NAA15: variants seen among roughly 807,000 people sequenced by gnomAD.
NAA15 encodes the protein N-terminal acetyltransferase.
In NAA15, 34 loss-of-function variants were observed where a neutral mutation model predicts 114.0. The ratio of observed to expected loss-of-function variants is 0.30; its 90% CI spans 0.23 to 0.40. The LOEUF is 0.40. NAA15 is among the 10% of genes least tolerant of loss of function. NAA15 has a pLI of 1.00. For synonymous variants in NAA15, 340 were observed against 338.0 expected (o/e 1.01, Z -0.06); for missense variants, 658 against 1,004.5 (o/e 0.66, Z 4.66).
chr4:139,386,186 T>A lies in NAA15; in HGVS notation c.2356T>A (p.Leu786Met), dbSNP rs569154393. Residue 786 changes from leucine (L) to methionine (M), a missense_variant, in exon 19 of 20, where the codon TTG becomes ATG. Around this residue, in one of 6 missense-constraint regions of NAA15, gnomAD observed 275 missense variants for 371.1 expected, o/e 0.74. Coordinates refer to ENST00000296543, the MANE Select transcript of NAA15 (RefSeq NM_057175.5). Reference protein sequence around the residue: ...DPSSQKRAIELATTLDESLTN... With the variant: ...DPSSQKRAIEMATTLDESLTN... ...TTCTAGTCAGAAGCGAGCTATAGAG[T>A]TGGCAACAACACTTGATGAATCTCT... The A allele has an allele frequency of 1.4e-5, 22 of 1,611,334 alleles. No homozygotes were observed. In the African/African-American group the frequency reaches 2.7e-4, roughly 20 times the overall value.
intron 10 of NAA15, among the ~76,000 whole-genome samples, chr4:139,355,931 T>C (rs1268883971): frequency 6.6e-6 from 1 of 152,246 alleles, no homozygotes; most frequent in Non-Finnish European, 1.5e-5. Context: ...CTTCCTCTAT[T>C]ACCTGTTTAC....
intron 1 of NAA15, among the ~76,000 whole-genome samples, chr4:139,309,419 C>G (rs939973877): frequency 7.5e-5 from 10 of 133,732 alleles, no homozygotes; most frequent in African/African-American, 2.5e-4. Context: ...TCTTTGCTTG[C>G]TTTTTAAGTG....
At chr4:139,353,405 A>G (rs1006988829) in intron 9 of NAA15, among the ~76,000 whole-genome samples, 1 of 152,218 alleles carries the variant, frequency 6.6e-6, no homozygotes, top group Non-Finnish European at 1.5e-5. Flanking sequence ...CAATAAAGCC[A>G]TAATAGTAAT....
chr4:139,312,856 A>G (rs1407726754), intron 1 of NAA15, among the ~76,000 whole-genome samples: 1 of 151,798 alleles, frequency 6.6e-6, no homozygotes, highest in African/African-American at 2.4e-5. Context: ...GGGGGGAAAA[A>G]AAAAGTAAAA....
At chr4:139,311,449 T>C (rs1218685261) in intron 1 of NAA15, among the ~76,000 whole-genome samples, 23 of 152,076 alleles carry the variant, frequency 1.5e-4, no homozygotes, top group Admixed American at 1.5e-3. Flanking sequence ...CATTACAGAG[T>C]ACATTAGTGT....
chr4:139,329,700 C>T (rs762405827), intron 1 of NAA15, among the ~76,000 whole-genome samples: 3 of 152,176 alleles, frequency 2.0e-5, no homozygotes, highest in Non-Finnish European at 4.4e-5. Flanking sequence ...CATTCTTTGT[C>T]TGGCCTTGTT....
chr4:139,304,016 G>A (rs569823057), intron 1 of NAA15, among the ~76,000 whole-genome samples: 1 of 152,082 alleles, frequency 6.6e-6, no homozygotes, highest in East Asian at 1.9e-4. Flanking sequence ...CTCCTGGGTT[G>A]ACGCCATTCT....
At position 139,344,456 on chromosome 4, in the gene NAA15, A is replaced by G. The variant is rs77654661; in HGVS notation, c.691+117A>G. ...TCAGCTTTTTGATGATAGGAAATCT[A>G]TTTCTTACTCGTGTACTTTTAATAG... On this transcript the variant is annotated intron_variant, in intron 6 of 19. Transcript: ENST00000296543. 1,517 of 769,050 alleles carry G rather than the reference A, an allele frequency of 2.0e-3. 14 individuals carry two copies. The African/African-American group carries it at 0.022, about 11-fold the overall frequency. 47.6% of individuals were successfully genotyped at this position (769,050 alleles called of 1,614,324 possible).
intron 1 of NAA15, among the ~76,000 whole-genome samples, chr4:139,315,001 T>TTTAGTTTAGTTTAGGTTAGG (rs1553992507): frequency 6.7e-5 from 5 of 74,356 alleles, no homozygotes; most frequent in Admixed American, 1.5e-4. Context: ...TTCAGTTCAG[T>TTTAGTTTAGTTTAGGTTAGG]TTAGTTTAGG....
In NAA15 at chr4:139,344,338, AG is replaced by A; in HGVS notation, c.691+1del. 1 of 1,601,874 alleles carries A rather than the reference AG, an allele frequency of 6.2e-7. No individual in the cohort carries two copies. Among genetic ancestry groups the A allele is most frequent in the Non-Finnish European group, 8.5e-7 (1 of 1,174,504 alleles). The part of the protein sequence containing the change: ...CDKLAVEETK[G>X]ELLLQLCRLE... ...ATAAACTTGCTGTAGAAGAAACCAAAGGTATTTTTAAAAGAATTGTCATTTA... is the reference window on the plus strand; with the variant it reads ...ATAAACTTGCTGTAGAAGAAACCAAAGTATTTTTAAAAGAATTGTCATTTA... On this transcript the variant is annotated frameshift_variant and splice_region_variant, in exon 6 of 20. Transcript: ENST00000296543. LOFTEE classifies it high-confidence loss of function.
intron 1 of NAA15, chr4:139,302,166 C>T: frequency 3.5e-6 from 1 of 285,620 alleles, no homozygotes; most frequent in Non-Finnish European, 6.5e-6. Context: ...GCGACACCGG[C>T]AGGAGTCGCG....
At chr4:139,356,157 C>G (rs1321544882) in intron 10 of NAA15, among the ~76,000 whole-genome samples, 2 of 152,144 alleles carry the variant, frequency 1.3e-5, no homozygotes, top group African/African-American at 2.4e-5. Flanking sequence ...GCATATTCAG[C>G]ATATTAAAAT....
chr4:139,338,091 C>G (rs925326557), intron 3 of NAA15, among the ~76,000 whole-genome samples: 1 of 152,108 alleles, frequency 6.6e-6, no homozygotes, highest in African/African-American at 2.4e-5. Flanking sequence ...CAATGTTAAA[C>G]TCTTTGAGGG....
intron 1 of NAA15, among the ~76,000 whole-genome samples, chr4:139,330,116 C>T (rs1287251224): frequency 6.6e-6 from 1 of 152,178 alleles, no homozygotes; most frequent in Admixed American, 6.5e-5. Flanking sequence ...AGTCACCTAA[C>T]TACATTTTTA....
intron 1 of NAA15, among the ~76,000 whole-genome samples, chr4:139,320,605 C>T (rs1481770487): frequency 6.6e-6 from 1 of 152,172 alleles, no homozygotes; most frequent in Non-Finnish European, 1.5e-5. Context: ...ACTGCAACCT[C>T]CATCTCCTGG....
At chr4:139,320,462 T>C (rs951131167) in intron 1 of NAA15, among the ~76,000 whole-genome samples, 6 of 152,172 alleles carry the variant, frequency 3.9e-5, no homozygotes, top group African/African-American at 1.4e-4. Context: ...TTTGTGGTGT[T>C]GCTTTTCCCA....
intron 6 of NAA15, among the ~76,000 whole-genome samples, chr4:139,346,901 G>A (rs1001848329): frequency 1.3e-5 from 2 of 152,150 alleles, no homozygotes; most frequent in African/African-American, 2.4e-5. Context: ...GGAAGGAAAC[G>A]AGGATGGGTA....
At chr4:139,379,565 G>C (rs1471708118) in intron 17 of NAA15, among the ~76,000 whole-genome samples, 1 of 152,174 alleles carries the variant, frequency 6.6e-6, no homozygotes, top group African/African-American at 2.4e-5. Context: ...TACTCCTGTA[G>C]TCAGGTTGTA....
At chr4:139,318,812 C>T (rs1579088565) in intron 1 of NAA15, among the ~76,000 whole-genome samples, 1 of 151,934 alleles carries the variant, frequency 6.6e-6, no homozygotes, top group Non-Finnish European at 1.5e-5. Context: ...CAAGATCGCG[C>T]CACTGTACTC....
Sources: gnomAD v4.1 joint callset for allele counts (sites outside exome capture counted in the v4.1 genomes callset) on GRCh38, gnomAD v4.1.1 for gene constraint, gnomAD v4.1.1 regional missense constraint, MANE v1.5 for transcripts, NCBI Gene and HGNC (gene_info 2026-07-23, HGNC 2026-07-21) for gene names.